The following OXR1 variants were observed in gnomAD, a reference collection of about 807,000 sequenced individuals.
The protein encoded by OXR1 is oxidation resistance protein 1.
OXR1 carries 41 observed loss-of-function variants against 104.6 expected under a neutral mutation model. That is an observed-to-expected ratio of 0.39 (90% CI 0.31 to 0.51). The LOEUF (loss-of-function observed/expected upper bound fraction) is 0.51, where lower values mean the gene tolerates loss of function less well. Ranked by LOEUF, OXR1 falls within the 20% of genes least tolerant of loss-of-function variation. The probability of loss-of-function intolerance (pLI) is 0.77; values close to 1 mark genes in which losing one functional copy is unlikely to be tolerated. For synonymous variants in OXR1, 348 were observed against 348.4 expected (o/e 1.00, Z 0.01); for missense variants, 955 against 1,031.9 (o/e 0.93, Z 1.02).
chr8:106,454,073 A>G (rs935205913), intron 2 of OXR1, among the ~76,000 whole-genome samples: 1 of 152,236 alleles, frequency 6.6e-6, no homozygotes, highest in East Asian at 1.9e-4. Flanking sequence ...AGAAAAATAC[A>G]TTGGTTAAAG....
chr8:106,694,716 A>T (rs1272780507), intron 7 of OXR1, among the ~76,000 whole-genome samples: 1 of 100,040 alleles, frequency 1.0e-5, no homozygotes, highest in South Asian at 3.2e-4. Context: ...TAATATATAA[A>T]TATATTTTTA....
intron 3 of OXR1, among the ~76,000 whole-genome samples, chr8:106,580,760 CT>C (rs1227052093): frequency 6.6e-6 from 1 of 151,492 alleles, no homozygotes; most frequent in Non-Finnish European, 1.5e-5. Flanking sequence ...AACATTATAT[CT>C]TTTTCTTTTT....
chr8:106,683,480 T>G (rs1828382822), intron 5 of OXR1, among the ~76,000 whole-genome samples, 174 bp downstream of exon 5: 1 of 152,160 alleles, frequency 6.6e-6, no homozygotes, highest in Non-Finnish European at 1.5e-5. Flanking sequence ...CTGTATTAGT[T>G]TCTTTTTTAA....
intron 1 of OXR1, among the ~76,000 whole-genome samples, chr8:106,289,214 G>T (rs1461181579): frequency 6.6e-6 from 1 of 152,058 alleles, no homozygotes; most frequent in Admixed American, 6.6e-5. Context: ...CATCCAAATA[G>T]GAAAATAAGT....
At chr8:106,370,353 A>G (rs2130372924) in intron 2 of OXR1, among the ~76,000 whole-genome samples, 1 of 152,252 alleles carries the variant, frequency 6.6e-6, no homozygotes, top group Non-Finnish European at 1.5e-5. Context: ...GACAGAGACA[A>G]CTTGACTTCC....
chr8:106,285,093 A>G (rs924197223), intron 1 of OXR1, among the ~76,000 whole-genome samples: 2 of 152,084 alleles, frequency 1.3e-5, no homozygotes, highest in Non-Finnish European at 2.9e-5. Flanking sequence ...CATTAGGTAT[A>G]TCTCCTAATG....
At chr8:106,361,273 C>T (rs1008700286) in intron 2 of OXR1, among the ~76,000 whole-genome samples, 1 of 152,188 alleles carries the variant, frequency 6.6e-6, no homozygotes, top group African/African-American at 2.4e-5. Flanking sequence ...GTGAGGCTAT[C>T]TTATAGAATT....
At chr8:106,610,654 G>A (rs1176351054) in intron 3 of OXR1, among the ~76,000 whole-genome samples, 1 of 152,086 alleles carries the variant, frequency 6.6e-6, no homozygotes, top group African/African-American at 2.4e-5. Context: ...TAGTCTCTCT[G>A]ACTTGAGCAC....
chr8:106,476,997 T>C (rs1821842849), intron 2 of OXR1, among the ~76,000 whole-genome samples: 1 of 151,964 alleles, frequency 6.6e-6, no homozygotes, highest in Non-Finnish European at 1.5e-5. Context: ...AATTTTCTTT[T>C]CTCTTTTCAC....
rs548170670 is a variant in OXR1, at chr8:106,305,542, A to T, written c.-139+35175A>T. On this transcript the variant is annotated intron_variant, in intron 1 of 16. Coordinates refer to ENST00000517566, the MANE Select transcript of OXR1 (RefSeq NM_001198533.2). ...ATCTATTTGTATTAACTTGGGAAAC[A>T]TTTGATTAAAATAATATTTAATGAT... Among the ~76,000 whole-genome samples, 51 of 152,300 alleles carry T rather than the reference A, an allele frequency of 3.3e-4. 1 individual carries two copies. Among genetic ancestry groups the T allele is most frequent in the African/African-American group, 1.2e-3 (51 of 41,582 alleles).
At chr8:106,510,035 G>C (rs1333914921) in intron 2 of OXR1, among the ~76,000 whole-genome samples, 1 of 152,128 alleles carries the variant, frequency 6.6e-6, no homozygotes, top group African/African-American at 2.4e-5. Flanking sequence ...GCCTCCCAAA[G>C]TTCTGGAATT....
chr8:106,278,238 T>A (rs534876767), intron 1 of OXR1, among the ~76,000 whole-genome samples: 2 of 152,316 alleles, frequency 1.3e-5, no homozygotes, highest in Admixed American at 1.3e-4. Context: ...CAAACAACTG[T>A]TCAAGGAACA....
intron 2 of OXR1, among the ~76,000 whole-genome samples, chr8:106,402,839 G>A (rs1010739199): frequency 3.3e-5 from 5 of 150,686 alleles, no homozygotes; most frequent in Middle Eastern, 3.4e-3. Context: ...TTTTCTTTTT[G>A]AGACAGAATC....
chr8:106,644,630 G>A (rs1823924843), intron 3 of OXR1, among the ~76,000 whole-genome samples: 1 of 152,118 alleles, frequency 6.6e-6, no homozygotes, highest in African/African-American at 2.4e-5. Flanking sequence ...TGAGGCAGGG[G>A]CTGAGGCACC....
chr8:106,347,673 G>T (rs1414436227), intron 1 of OXR1, among the ~76,000 whole-genome samples: 1 of 151,918 alleles, frequency 6.6e-6, no homozygotes, highest in Non-Finnish European at 1.5e-5. Flanking sequence ...GTAGTTATTG[G>T]GTTTATTTTG....
At chr8:106,722,876 T>C (rs368114288) in intron 11 of OXR1, among the ~76,000 whole-genome samples, 78 of 152,344 alleles carry the variant, frequency 5.1e-4, no homozygotes, top group African/African-American at 1.7e-3. Flanking sequence ...AGACTGTTTA[T>C]GTTTTCTTTT....
chr8:106,314,299 C>A (rs1813836258), intron 1 of OXR1, among the ~76,000 whole-genome samples: 1 of 152,178 alleles, frequency 6.6e-6, no homozygotes, highest in African/African-American at 2.4e-5. Context: ...TATTCTTGAT[C>A]AAGAATTGAT....
intron 7 of OXR1, chr8:106,697,587 CCCATCAT>C: frequency 6.2e-7 from 1 of 1,611,318 alleles, no homozygotes; most frequent in Non-Finnish European, 8.5e-7. Flanking sequence ...CAGAGAAGAG[CCCATCAT>C]CCCAGGCTAC....
At chr8:106,421,794 T>C (rs1351542191) in intron 2 of OXR1, among the ~76,000 whole-genome samples, 3 of 63,808 alleles carry the variant, frequency 4.7e-5, no homozygotes, top group Non-Finnish European at 8.2e-5. Flanking sequence ...AGCAGTAGAC[T>C]GGGAGAGGCC....
Sources: gnomAD v4.1 joint callset for allele counts (sites outside exome capture counted in the v4.1 genomes callset) on GRCh38, gnomAD v4.1.1 for gene constraint, MANE v1.5 for transcripts, NCBI Gene and HGNC (gene_info 2026-07-23, HGNC 2026-07-21) for gene names.